The following LRP1B variants were observed in gnomAD, a reference collection of about 807,000 sequenced individuals.
LRP1B encodes low-density lipoprotein receptor-related protein 1B.
LRP1B carries 217 observed loss-of-function variants against 556.6 expected under a neutral mutation model. That is an observed-to-expected ratio of 0.39 (90% CI 0.35 to 0.44). The LOEUF (loss-of-function observed/expected upper bound fraction) is 0.44, where lower values mean the gene tolerates loss of function less well. Ranked by LOEUF, LRP1B falls within the 20% of genes least tolerant of loss-of-function variation. LRP1B has a pLI of 1.00. For missense variants in LRP1B, 5,053 were observed against 5,620.8 expected (o/e 0.90, Z 3.23); for synonymous variants, 2,047 against 1,865.8 (o/e 1.10, Z -2.50).
At chr2:141,387,373 C>A (rs1689869281) in intron 3 of LRP1B, among the ~76,000 whole-genome samples, 1 of 151,740 alleles carries the variant, frequency 6.6e-6, no homozygotes, top group Non-Finnish European at 1.5e-5. Flanking sequence ...TAAGGAAAAC[C>A]AATGAAATCA....
intron 2 of LRP1B, among the ~76,000 whole-genome samples, chr2:141,663,618 C>T (rs145672147): frequency 2.2e-4 from 33 of 152,132 alleles, no homozygotes; most frequent in African/African-American, 7.0e-4. Flanking sequence ...GGACAATGCG[C>T]CCTCCCACGA....
chr2:141,093,993 A>T (rs1270720848), intron 7 of LRP1B, among the ~76,000 whole-genome samples: 1 of 152,190 alleles, frequency 6.6e-6, no homozygotes, highest in African/African-American at 2.4e-5. Context: ...CTGGGATTAC[A>T]GATATGAGCC....
intron 7 of LRP1B, among the ~76,000 whole-genome samples, chr2:141,171,361 G>A (rs577166309): frequency 2.6e-5 from 4 of 152,014 alleles, no homozygotes; most frequent in Admixed American, 1.3e-4. Context: ...CCCCACCCCA[G>A]TCCCTGGTAA....
At chr2:140,263,442 C>A (rs1019100610) in intron 86 of LRP1B, among the ~76,000 whole-genome samples, 1 of 152,058 alleles carries the variant, frequency 6.6e-6, no homozygotes, top group East Asian at 1.9e-4. Context: ...TCTTCAGAAC[C>A]TATTTTCTAC....
intron 1 of LRP1B, among the ~76,000 whole-genome samples, chr2:141,969,790 C>G (rs1314826559): frequency 6.6e-6 from 1 of 151,476 alleles, no homozygotes; most frequent in African/African-American, 2.4e-5. Flanking sequence ...GTATTAAGAT[C>G]CCAGTAGTGG....
intron 79 of LRP1B, 81 bp downstream of exon 79, chr2:140,334,372 G>T (rs1680965459): frequency 1.2e-6 from 1 of 859,428 alleles, no homozygotes; most frequent in Non-Finnish European, 1.9e-6. Flanking sequence ...TACTTATATT[G>T]CCAACAACAC....
intron 1 of LRP1B, among the ~76,000 whole-genome samples, chr2:142,065,458 T>A: frequency 6.6e-6 from 1 of 151,104 alleles, no homozygotes; most frequent in African/African-American, 2.4e-5. Flanking sequence ...GATTGCCACA[T>A]CTCCCTCTGA....
chr2:141,770,867 A>G lies in LRP1B; in HGVS notation c.205+39412T>C, dbSNP rs577856255. The stretch of plus-strand genomic sequence containing the variant: ...ACGTTATTTATCTTAACGTTTTTCA[A>G]TCTTCACAGATTATAATTGCAAAAA... On this transcript the variant is annotated intron_variant, in intron 2 of 90. Coordinates refer to ENST00000389484, the MANE Select transcript of LRP1B (RefSeq NM_018557.3). Among the ~76,000 whole-genome samples the G allele has an allele frequency of 3.3e-5, 5 of 152,288 alleles. No homozygotes were observed. The South Asian group carries it at 6.2e-4, about 19-fold the overall frequency.
At chr2:140,597,956 G>A (rs943903602) in intron 43 of LRP1B, among the ~76,000 whole-genome samples, 1 of 152,082 alleles carries the variant, frequency 6.6e-6, no homozygotes, top group Admixed American at 6.6e-5. Context: ...TAGGGACATG[G>A]GTCCAGATTT....
At chr2:142,116,499 T>C (rs1346485738) in intron 1 of LRP1B, among the ~76,000 whole-genome samples, 2 of 152,252 alleles carry the variant, frequency 1.3e-5, no homozygotes, top group Admixed American at 6.5e-5. Flanking sequence ...GACAATTTAA[T>C]GCAGTGAACA....
chr2:140,933,330 TA>T (rs1695109259), intron 20 of LRP1B, among the ~76,000 whole-genome samples: 1 of 152,102 alleles, frequency 6.6e-6, no homozygotes, highest in Non-Finnish European at 1.5e-5. Flanking sequence ...TCCCATTGCT[TA>T]TTTCTTTATT....
chr2:141,648,398 CCTGT>C (rs1689661749), intron 2 of LRP1B, among the ~76,000 whole-genome samples: 1 of 152,120 alleles, frequency 6.6e-6, no homozygotes, highest in Non-Finnish European at 1.5e-5. Context: ...CAGCAGACTA[CCTGT>C]CTTTCAAGTA....
intron 1 of LRP1B, among the ~76,000 whole-genome samples, chr2:142,073,825 T>A: frequency 6.6e-6 from 1 of 151,742 alleles, no homozygotes; most frequent in Non-Finnish European, 1.5e-5. Flanking sequence ...GCCACCTCCT[T>A]CCTCTCTCTC....
At chr2:140,280,424 A>G (rs1682867731) in intron 84 of LRP1B, among the ~76,000 whole-genome samples, 2 of 151,850 alleles carry the variant, frequency 1.3e-5, no homozygotes, top group Admixed American at 1.3e-4. Context: ...TACATTGGTC[A>G]GTAGAAACAG....
In LRP1B at chr2:140,231,644, T is replaced by C. The variant is rs983413208; in HGVS notation, c.*1542A>G. 1 of 151,840 alleles carries C rather than the reference T, an allele frequency of 6.6e-6. No individual in the cohort carries two copies. The highest frequency in any genetic ancestry group is 1.5e-5 in the Non-Finnish European group (1 of 67,604). The allele number at this position is 151,840 out of a possible 1,614,324, so 9.4% of individuals were successfully genotyped here. A position where few individuals can be genotyped will look rare whatever the true frequency, so the allele number is the denominator to read the frequency against. On this transcript the variant is annotated 3_prime_UTR_variant, in exon 91 of 91. Coordinates refer to ENST00000389484, the MANE Select transcript of LRP1B (RefSeq NM_018557.3). ...TAGTATTACATAAATCAATAGTTTA[T>C]AAAGGCCTCAATATGGCAAAGTTTA...
chr2:142,035,893 C>T (rs569742465), intron 1 of LRP1B, among the ~76,000 whole-genome samples: 29 of 151,812 alleles, frequency 1.9e-4, no homozygotes, highest in African/African-American at 6.3e-4. Flanking sequence ...CCAGTCTTTT[C>T]CATGCTATTC....
rs138768058 is a variant in LRP1B at position 141,312,232 on chromosome 2, C to T, written c.344-57591G>A. Among the ~76,000 whole-genome samples, 222 of 152,232 alleles carry T rather than the reference C, an allele frequency of 1.5e-3. 1 individual carries two copies. The highest frequency in any genetic ancestry group is 5.0e-3 in the African/African-American group (206 of 41,546). ...CTCTATTTCCCCCAAGACGGTAAGG[C>T]CGACCCCTCATTTTCCTCCTCTTCT... On this transcript the variant is annotated intron_variant, in intron 3 of 90. Coordinates refer to ENST00000389484, the MANE Select transcript of LRP1B (RefSeq NM_018557.3).
chr2:140,700,700 A>G, intron 40 of LRP1B, 79 bp from the exon 41 acceptor site: 1 of 1,439,612 alleles, frequency 6.9e-7, no homozygotes, highest in Non-Finnish European at 9.5e-7. Context: ...CCATAAAGAA[A>G]TATTAAAACT....
At chr2:141,238,825 C>G (rs997809791) in intron 5 of LRP1B, among the ~76,000 whole-genome samples, 1 of 151,984 alleles carries the variant, frequency 6.6e-6, no homozygotes, top group Non-Finnish European at 1.5e-5. Context: ...AATTTGGAAA[C>G]CTTGCCAAGA....
Sources: allele counts gnomAD v4.1 joint callset (sites outside exome capture counted in the v4.1 genomes callset), GRCh38; gene constraint gnomAD v4.1.1; transcripts MANE v1.5; gene names NCBI Gene and HGNC (gene_info 2026-07-23, HGNC 2026-07-21).